MYOF: variants seen among roughly 807,000 people sequenced by gnomAD.
MYOF encodes myoferlin.
MYOF carries 244 observed loss-of-function variants against 284.2 expected under a neutral mutation model. The ratio of observed to expected loss-of-function variants is 0.86; its 90% CI spans 0.77 to 0.95. The LOEUF (loss-of-function observed/expected upper bound fraction) is 0.95. Among genes scored for constraint, MYOF ranks in the 40% least tolerant of loss-of-function variants. The probability of loss-of-function intolerance (pLI) is 0.00; values close to 1 mark genes in which losing one functional copy is unlikely to be tolerated. For missense variants in MYOF, 2,496 were observed against 2,560.6 expected (o/e 0.97, Z 0.54); for synonymous variants, 904 against 919.7 (o/e 0.98, Z 0.31).
chr10:93,331,728 G>A (rs1329852970), intron 43 of MYOF, among the ~76,000 whole-genome samples: 1 of 151,980 alleles, frequency 6.6e-6, no homozygotes, highest in Non-Finnish European at 1.5e-5. Context: ...GGGTGGGCAG[G>A]TGTGTGCATG....
intron 1 of MYOF, among the ~76,000 whole-genome samples, chr10:93,465,855 T>A (rs1258501545): frequency 6.6e-6 from 1 of 152,058 alleles, no homozygotes; most frequent in Non-Finnish European, 1.5e-5. Context: ...CCTCCTTGCA[T>A]CCCCCCAGGG....
At chr10:93,342,384 C>A (rs546539310) in intron 38 of MYOF, among the ~76,000 whole-genome samples, 2 of 152,264 alleles carry the variant, frequency 1.3e-5, no homozygotes, top group South Asian at 2.1e-4. Context: ...CTGTGATGAA[C>A]AAGTGGACTC....
At chr10:93,441,002 A>T (rs1016531214) in intron 3 of MYOF, among the ~76,000 whole-genome samples, 5 of 152,222 alleles carry the variant, frequency 3.3e-5, no homozygotes, top group Non-Finnish European at 5.9e-5. Context: ...TTGCTCTAAT[A>T]CAGAACTAAA....
chr10:93,387,335 A>T (rs1257185538), intron 19 of MYOF, among the ~76,000 whole-genome samples: 1 of 152,196 alleles, frequency 6.6e-6, no homozygotes, highest in African/African-American at 2.4e-5. Flanking sequence ...ACAGGCATCG[A>T]CCTGGATTCT....
At chr10:93,434,661 T>A (rs1849033348) in intron 3 of MYOF, among the ~76,000 whole-genome samples, 1 of 152,186 alleles carries the variant, frequency 6.6e-6, no homozygotes, top group Non-Finnish European at 1.5e-5. Flanking sequence ...TAATTTATTG[T>A]TATTATTTTT....
intron 1 of MYOF, among the ~76,000 whole-genome samples, chr10:93,475,743 C>T (rs377061589): frequency 6.6e-6 from 1 of 152,140 alleles, no homozygotes; most frequent in Non-Finnish European, 1.5e-5. Flanking sequence ...AGAAACACAC[C>T]CGTGATTAGA....
At chr10:93,347,920 C>T in intron 36 of MYOF, 138 bp from the exon 37 acceptor site, 1 of 846,942 alleles carries the variant, frequency 1.2e-6, no homozygotes, top group South Asian at 2.2e-5. Flanking sequence ...ACTCATGTGC[C>T]AGGCAAGGAG....
At chr10:93,419,647 T>C (rs1848273427) in intron 5 of MYOF, among the ~76,000 whole-genome samples, 1 of 152,204 alleles carries the variant, frequency 6.6e-6, no homozygotes, top group Admixed American at 6.5e-5. Context: ...CTGAAAGCAA[T>C]TGTTTCCTAT....
At chr10:93,452,725 TA>T (rs1306689238) in intron 2 of MYOF, among the ~76,000 whole-genome samples, 1 of 151,944 alleles carries the variant, frequency 6.6e-6, no homozygotes, top group Non-Finnish European at 1.5e-5. Context: ...ATAAAAAAAT[TA>T]AAAAAGAATA....
rs565336586 is a variant in MYOF, at chr10:93,424,397, T to C, written c.433+1674A>G. Among the ~76,000 whole-genome samples the C allele has an allele frequency of 2.6e-5, 4 of 152,280 alleles. No homozygotes were observed. The East Asian group carries it at 7.7e-4, about 29-fold the overall frequency. Reference sequence around the variant, plus strand: ...GGAAATGGGTGGGACCACTCAGTTCTGCCCCTGATGGTGTTACTGGTGCTG... The same window carrying C: ...GGAAATGGGTGGGACCACTCAGTTCCGCCCCTGATGGTGTTACTGGTGCTG... On this transcript the variant is annotated intron_variant, in intron 5 of 53. Coordinates refer to ENST00000359263, the MANE Select transcript of MYOF (RefSeq NM_013451.4).
chr10:93,318,803 G>A (rs1432814702), intron 49 of MYOF, among the ~76,000 whole-genome samples: 2 of 152,084 alleles, frequency 1.3e-5, no homozygotes, highest in Non-Finnish European at 2.9e-5. Context: ...GCACTGAGTA[G>A]GGCCAGCAGA....
chr10:93,462,092 C>A (rs1589606981), intron 1 of MYOF, among the ~76,000 whole-genome samples: 1 of 52,886 alleles, frequency 1.9e-5, no homozygotes, highest in South Asian at 1.6e-3. Context: ...CTAAGCCCCC[C>A]ACCTTTTTTT....
intron 17 of MYOF, among the ~76,000 whole-genome samples, chr10:93,392,431 T>C (rs1846743639): frequency 6.6e-6 from 1 of 152,146 alleles, no homozygotes; most frequent in Non-Finnish European, 1.5e-5. Flanking sequence ...TTGCAAAAAA[T>C]GACGAGTTCT....
chr10:93,436,483 T>A (rs924082681), intron 3 of MYOF, among the ~76,000 whole-genome samples: 7 of 95,682 alleles, frequency 7.3e-5, no homozygotes, highest in African/African-American at 1.8e-4. Flanking sequence ...TTTATTTATT[T>A]ATTATTTTTT....
At chr10:93,363,620 C>T (rs372432199) in intron 27 of MYOF, among the ~76,000 whole-genome samples, 1 of 152,164 alleles carries the variant, frequency 6.6e-6, no homozygotes, top group East Asian at 1.9e-4. Flanking sequence ...GAGCTATGAT[C>T]GCACCACTGC....
chr10:93,398,058 G>C (rs1471442282), intron 13 of MYOF, among the ~76,000 whole-genome samples: 1 of 152,082 alleles, frequency 6.6e-6, no homozygotes, highest in Non-Finnish European at 1.5e-5. Flanking sequence ...CATCTTCAGG[G>C]GGCCCTCAAA....
chr10:93,452,175 A>C (rs1447030717), intron 2 of MYOF, 34 bp from the exon 3 acceptor site: 5 of 1,468,454 alleles, frequency 3.4e-6, no homozygotes, highest in African/African-American at 1.4e-5. Flanking sequence ...AAAGAGAAAA[A>C]AAAAGGCTGT....
intron 3 of MYOF, among the ~76,000 whole-genome samples, chr10:93,449,479 C>T (rs571658005): frequency 3.9e-5 from 6 of 152,294 alleles, no homozygotes; most frequent in African/African-American, 1.4e-4. Context: ...GCCCTCCCCT[C>T]TCCTCCCCTT....
chr10:93,351,532 C>A lies in MYOF; in HGVS notation c.3703G>T (p.Val1235Leu), dbSNP rs1844512367. The A allele has an allele frequency of 6.2e-7, 1 of 1,614,106 alleles. No homozygotes were observed. Among genetic ancestry groups the A allele is most frequent in the African/African-American group, 1.3e-5 (1 of 74,946 alleles). The change falls in exon 34 of 54, where the codon GTG (valine) becomes TTG (leucine). Residue 1235 changes from valine (V) to leucine (L), a missense_variant. Coordinates refer to ENST00000359263, the MANE Select transcript of MYOF (RefSeq NM_013451.4). Reference sequence around the variant, plus strand: ...TCCATTTCTGAGTTCAGTTTCACCACAGGAGAGAAAATGCTTCGTCCTAAA... The same window carrying A: ...TCCATTTCTGAGTTCAGTTTCACCAAAGGAGAGAAAATGCTTCGTCCTAAA... ...EFLGRSIFSP[V>L]VKLNSEMDIT...
Sources: allele counts gnomAD v4.1 joint callset (sites outside exome capture counted in the v4.1 genomes callset), GRCh38; gene constraint gnomAD v4.1.1; transcripts MANE v1.5; gene names NCBI Gene and HGNC (gene_info 2026-07-23, HGNC 2026-07-21).